The following ZNF536 variants were observed in gnomAD, a reference collection of about 807,000 sequenced individuals.
The protein encoded by ZNF536 is zinc finger protein 536.
Under a neutral mutation model 84.5 loss-of-function variants are expected in ZNF536, and 13 were observed. That is an observed-to-expected ratio of 0.15 (90% confidence interval 0.10 to 0.24). The LOEUF is 0.24. Ranked by LOEUF, ZNF536 falls within the 10% of genes least tolerant of loss-of-function variation. The probability of loss-of-function intolerance (pLI) is 1.00; values close to 1 mark genes in which losing one functional copy is unlikely to be tolerated. For synonymous variants in ZNF536, 811 were observed against 742.5 expected, an observed-to-expected ratio of 1.09 and a Z score of -1.50; for missense variants, 1,536 against 1,747.5, an observed-to-expected ratio of 0.88 and a Z score of 2.16.
chr19:30,634,582 G>C (rs576220436), intron 1 of ZNF536, among the ~76,000 whole-genome samples: 2 of 152,068 alleles, frequency 1.3e-5, no homozygotes, highest in African/African-American at 4.8e-5. Context: ...GCTGACAGCC[G>C]GCATAATCGA....
At chr19:30,340,566 C>A (rs2047534154) in intron 2 of ZNF536, among the ~76,000 whole-genome samples, 1 of 152,182 alleles carries the variant, frequency 6.6e-6, no homozygotes, top group Admixed American at 6.5e-5. Flanking sequence ...TTGGAGGGGT[C>A]TTTTCATCTG....
At chr19:30,546,492 T>G (rs746665244) in intron 3 of ZNF536, among the ~76,000 whole-genome samples, 7 of 152,204 alleles carry the variant, frequency 4.6e-5, no homozygotes, top group African/African-American at 7.2e-5. Context: ...TGGCACGTGA[T>G]CTGGAGATGA....
At chr19:30,449,358 A>G (rs1441694833) in intron 2 of ZNF536, among the ~76,000 whole-genome samples, 1 of 152,124 alleles carries the variant, frequency 6.6e-6, no homozygotes, top group Non-Finnish European at 1.5e-5. Flanking sequence ...CTTGCATGCA[A>G]ACACTCTTAT....
At position 30,416,469 on chromosome 19, in the gene ZNF536, C is replaced by G. The variant is rs115929104; in HGVS notation, c.-2-27092C>G. 9.3e-3 allele frequency among the ~76,000 whole-genome samples: 1,411 copies of G among 152,226 alleles called. 24 individuals are homozygous for G. The highest frequency in any genetic ancestry group is 0.032 in the African/African-American group (1,343 of 41,534). ...TCTAGGTCTGTTACCCCATCAGGCT[C>G]TCCATGGCATGGGAGGGATGCTCAT... is the stretch of plus-strand genomic sequence containing the variant. On this transcript the variant is annotated intron_variant, in intron 1 of 4. Coordinates refer to ENST00000355537, the MANE Select transcript of ZNF536 (RefSeq NM_014717.3).
At chr19:30,658,902 A>G (rs776885854) in intron 1 of ZNF536, among the ~76,000 whole-genome samples, 1 of 152,168 alleles carries the variant, frequency 6.6e-6, no homozygotes, top group African/African-American at 2.4e-5. Context: ...ACTTGCTAAC[A>G]TTTGGCCTAG....
intron 3 of ZNF536, among the ~76,000 whole-genome samples, chr19:30,536,162 C>T (rs1210493989): frequency 1.3e-5 from 2 of 152,182 alleles, no homozygotes; most frequent in Non-Finnish European, 2.9e-5. Flanking sequence ...CCTGCCCATG[C>T]CTTGCCCCGG....
intron 1 of ZNF536, among the ~76,000 whole-genome samples, chr19:30,390,261 T>G (rs531417602): frequency 2.0e-5 from 3 of 152,328 alleles, no homozygotes; most frequent in African/African-American, 7.2e-5. Context: ...CTGCCCTTAG[T>G]ATAAACTGGA....
At chr19:30,654,772 G>A (rs987204016) in intron 1 of ZNF536, among the ~76,000 whole-genome samples, 1 of 151,926 alleles carries the variant, frequency 6.6e-6, no homozygotes, top group African/African-American at 2.4e-5. Context: ...GTAAATTTGA[G>A]GGCTGGGCTT....
intron 1 of ZNF536, among the ~76,000 whole-genome samples, chr19:30,439,519 T>G (rs888608429): frequency 1.3e-5 from 2 of 152,180 alleles, no homozygotes; most frequent in African/African-American, 4.8e-5. Flanking sequence ...CCCCATACTC[T>G]TTCCAGGAAC....
At chr19:30,417,208 G>T (rs1460436670) in intron 1 of ZNF536, among the ~76,000 whole-genome samples, 1 of 143,294 alleles carries the variant, frequency 7.0e-6, no homozygotes, top group African/African-American at 2.7e-5. Context: ...TGTTGGCCAG[G>T]CTGGTCTTGA....
chr19:30,645,123 G>A (rs1213048893), intron 1 of ZNF536, among the ~76,000 whole-genome samples: 2 of 152,206 alleles, frequency 1.3e-5, no homozygotes, highest in Non-Finnish European at 2.9e-5. Flanking sequence ...GGCCAGTGAT[G>A]TTGAGCATTT....
chr19:30,375,122 G>C (rs1350292827), intron 1 of ZNF536, among the ~76,000 whole-genome samples: 1 of 151,330 alleles, frequency 6.6e-6, no homozygotes, highest in East Asian at 2.0e-4. Context: ...CCAGCCCCGG[G>C]GTGTTTTCTG....
chr19:30,359,344 G>C (rs931263381), intron 3 of ZNF536, among the ~76,000 whole-genome samples: 8 of 152,150 alleles, frequency 5.3e-5, no homozygotes, highest in African/African-American at 1.7e-4. Context: ...GGGACAGCCT[G>C]GTCTGGAGTG....
At chr19:30,540,946 G>C (rs934661065) in intron 3 of ZNF536, among the ~76,000 whole-genome samples, 2 of 152,234 alleles carry the variant, frequency 1.3e-5, no homozygotes, top group African/African-American at 4.8e-5. Flanking sequence ...CACGTGCTTG[G>C]GTTTCCCCAC....
intron 1 of ZNF536, among the ~76,000 whole-genome samples, chr19:30,251,669 G>T (rs955091408): frequency 1.3e-5 from 2 of 152,074 alleles, no homozygotes; most frequent in African/African-American, 4.8e-5. Flanking sequence ...TGAGATTTTG[G>T]TGCGCCCATC....
intron 1 of ZNF536, among the ~76,000 whole-genome samples, chr19:30,640,482 C>A (rs1236201953): frequency 6.6e-6 from 1 of 152,200 alleles, no homozygotes; most frequent in Non-Finnish European, 1.5e-5. Context: ...ACTTCTGACT[C>A]AGCACACCAA....
chr19:30,594,848 G>A (rs957783749), intron 1 of ZNF536, among the ~76,000 whole-genome samples: 7 of 152,070 alleles, frequency 4.6e-5, no homozygotes, highest in Non-Finnish European at 5.9e-5. Flanking sequence ...CAGGAGGACC[G>A]GGTGTGGATG....
intron 1 of ZNF536, among the ~76,000 whole-genome samples, chr19:30,267,574 T>C (rs865801264): frequency 7.2e-5 from 11 of 152,090 alleles, no homozygotes; most frequent in Admixed American, 1.3e-4. Flanking sequence ...CCTGGCATCA[T>C]GGGAAGGAGG....
intron 1 of ZNF536, among the ~76,000 whole-genome samples, chr19:30,593,461 C>A (rs1468597224): frequency 2.6e-5 from 4 of 152,282 alleles, no homozygotes; most frequent in Admixed American, 1.3e-4. Flanking sequence ...ACAGGCCACA[C>A]CCAGCCAGCA....
Sources: allele counts gnomAD v4.1 joint callset (sites outside exome capture counted in the v4.1 genomes callset), GRCh38; gene constraint gnomAD v4.1.1; transcripts MANE v1.5; gene names NCBI Gene and HGNC (gene_info 2026-07-23, HGNC 2026-07-21).